ZNF536: variants seen among roughly 807,000 people sequenced by gnomAD.
ZNF536 encodes the protein zinc finger protein 536.
A neutral mutation model predicts 84.5 loss-of-function variants in ZNF536; 13 were observed. The ratio of observed to expected loss-of-function variants is 0.15; its 90% CI spans 0.10 to 0.24. ZNF536 has a LOEUF of 0.24. ZNF536 is among the 10% of genes least tolerant of loss of function. The pLI is 1.00. For missense variants in ZNF536, 1,536 were observed against 1,747.5 expected (o/e 0.88, Z 2.16); for synonymous variants, 811 against 742.5 (o/e 1.09, Z -1.50).
At chr19:30,411,366 A>G (rs1173629271) in intron 1 of ZNF536, among the ~76,000 whole-genome samples, 2 of 152,184 alleles carry the variant, frequency 1.3e-5, no homozygotes, top group Admixed American at 1.3e-4. Flanking sequence ...TAAAATTTTT[A>G]TATGAATTTC....
At chr19:30,472,139 T>C (rs1458066263) in intron 2 of ZNF536, among the ~76,000 whole-genome samples, 1 of 152,158 alleles carries the variant, frequency 6.6e-6, no homozygotes, top group Non-Finnish European at 1.5e-5. Flanking sequence ...GAGAAGAGTG[T>C]ACAGCTGCCA....
At chr19:30,564,999 G>A (rs534367273) in intron 1 of ZNF536, among the ~76,000 whole-genome samples, 22 of 152,202 alleles carry the variant, frequency 1.4e-4, no homozygotes, top group Non-Finnish European at 2.4e-4. Context: ...CTAGAGGGGC[G>A]GGTCCGTGCC....
intron 1 of ZNF536, among the ~76,000 whole-genome samples, chr19:30,236,356 A>G (rs1319875867): frequency 6.6e-6 from 1 of 152,184 alleles, no homozygotes; most frequent in Non-Finnish European, 1.5e-5. Context: ...TCCATCTGCA[A>G]TTCTTTTTAG....
intron 2 of ZNF536, among the ~76,000 whole-genome samples, chr19:30,345,302 A>G (rs911397243): frequency 6.6e-6 from 1 of 152,232 alleles, no homozygotes; most frequent in African/African-American, 2.4e-5. Context: ...CCCTGTGAGA[A>G]GACTCCAGGT....
chr19:30,556,813 T>C (rs1356105095), intron 4 of ZNF536: 8 of 177,992 alleles, frequency 4.5e-5, no homozygotes. Flanking sequence ...CTCTTCAGAC[T>C]GCATGAATCC....
intron 2 of ZNF536, among the ~76,000 whole-genome samples, chr19:30,306,056 A>G (rs145949132): frequency 7.6e-4 from 116 of 152,290 alleles, no homozygotes; most frequent in African/African-American, 2.7e-3. Flanking sequence ...TCACCCATTT[A>G]TTCATTTGCT....
chr19:30,336,619 A>G (rs950691676), intron 2 of ZNF536, among the ~76,000 whole-genome samples: 1 of 152,102 alleles, frequency 6.6e-6, no homozygotes, highest in Non-Finnish European at 1.5e-5. Context: ...CCTGGAAGGT[A>G]GGTGAGATGG....
upstream of ZNF536, among the ~76,000 whole-genome samples, chr19:30,371,436 A>G (rs1308806318): frequency 6.6e-6 from 1 of 152,222 alleles, no homozygotes; most frequent in Non-Finnish European, 1.5e-5. Flanking sequence ...CTGTGAACAC[A>G]CATTCTTTTT....
chr19:30,389,511 C>T (rs1044608646), intron 1 of ZNF536, among the ~76,000 whole-genome samples: 4 of 152,114 alleles, frequency 2.6e-5, no homozygotes, highest in African/African-American at 9.7e-5. Flanking sequence ...AATCTCTTAA[C>T]CTGTTCAGTA....
chr19:30,328,083 A>ATTT (rs955298925), intron 2 of ZNF536, among the ~76,000 whole-genome samples: 5 of 152,072 alleles, frequency 3.3e-5, no homozygotes, highest in African/African-American at 1.2e-4. Context: ...GAGGGCAGAA[A>ATTT]CCCTCGATTC....
intron 2 of ZNF536, among the ~76,000 whole-genome samples, chr19:30,507,949 G>A (rs912621797): frequency 1.3e-5 from 2 of 152,096 alleles, no homozygotes; most frequent in Non-Finnish European, 2.9e-5. Context: ...TCTTCCCCAC[G>A]AGACTTCAAG....
chr19:30,441,566 G>T (rs1197446410), intron 1 of ZNF536, among the ~76,000 whole-genome samples: 1 of 152,198 alleles, frequency 6.6e-6, no homozygotes, highest in Non-Finnish European at 1.5e-5. Flanking sequence ...CGGTAAGTCT[G>T]TTGAATGAAT....
chr19:30,564,956 G>A (rs777600449), intron 1 of ZNF536, among the ~76,000 whole-genome samples: 1 of 152,186 alleles, frequency 6.6e-6, no homozygotes, highest in Non-Finnish European at 1.5e-5. Context: ...AGCCACTGTG[G>A]CTGCAGGGCT....
At chr19:30,654,831 C>A (rs1279405159) in intron 1 of ZNF536, among the ~76,000 whole-genome samples, 4 of 151,538 alleles carry the variant, frequency 2.6e-5, no homozygotes, top group Admixed American at 2.6e-4. Context: ...TGCCACCCAC[C>A]CCCCACACAC....
Position 30,335,589 on chromosome 19 carries a change from C to T in ZNF536, c.-119-16779C>T, listed in dbSNP as rs181557886. On this transcript the variant is annotated intron_variant, in intron 2 of 5. Coordinates refer to the ZNF536 transcript ENST00000585628. Reference sequence around the variant, plus strand: ...AACTGACCCAGTCCCGGCCCCTTTCCCAGTGCCTGGCACATCTCCTCCCTG... The same window carrying T: ...AACTGACCCAGTCCCGGCCCCTTTCTCAGTGCCTGGCACATCTCCTCCCTG... Among the ~76,000 whole-genome samples, 20 of 152,296 alleles carry T rather than the reference C, an allele frequency of 1.3e-4. 1 individual carries two copies. Among genetic ancestry groups the T allele is most frequent in the African/African-American group, 4.8e-4 (20 of 41,564 alleles).
intron 3 of ZNF536, among the ~76,000 whole-genome samples, chr19:30,541,823 A>G (rs1278933505): frequency 3.3e-5 from 5 of 152,224 alleles, no homozygotes; most frequent in African/African-American, 9.6e-5. Flanking sequence ...GCAATTAGAG[A>G]CACAGATTGT....
At chr19:30,487,513 T>G (rs2054346218) in intron 2 of ZNF536, among the ~76,000 whole-genome samples, 2 of 152,162 alleles carry the variant, frequency 1.3e-5, no homozygotes, top group Non-Finnish European at 2.9e-5. Flanking sequence ...TGATGCCTTC[T>G]CAGTCTCTCT....
intron 2 of ZNF536, among the ~76,000 whole-genome samples, chr19:30,328,438 G>T (rs2047106805): frequency 6.6e-6 from 1 of 152,154 alleles, no homozygotes. Context: ...ACCTGCTCTT[G>T]GGGCTCTCTG....
At chr19:30,523,434 C>A (rs1016675339) in intron 2 of ZNF536, among the ~76,000 whole-genome samples, 2 of 152,122 alleles carry the variant, frequency 1.3e-5, no homozygotes, top group African/African-American at 4.8e-5. Context: ...ATGTAATTTG[C>A]CCAGGATTAC....
Sources: gnomAD v4.1 joint callset for allele counts (sites outside exome capture counted in the v4.1 genomes callset) on GRCh38, gnomAD v4.1.1 for gene constraint, MANE v1.5 for transcripts, NCBI Gene and HGNC (gene_info 2026-07-23, HGNC 2026-07-21) for gene names.